AGBL1: variants seen among roughly 807,000 people sequenced by gnomAD.
AGBL1 encodes the protein AGBL carboxypeptidase 1, also known as cytosolic carboxypeptidase 4.
In AGBL1, 130 loss-of-function variants were observed where a neutral mutation model predicts 118.9. That is an observed-to-expected ratio of 1.09 (90% CI 0.95 to 1.26). The LOEUF is 1.26. Among genes scored for constraint, AGBL1 ranks in the 50% most tolerant of loss-of-function variants. The probability of loss-of-function intolerance (pLI) is 0.00; values close to 1 mark genes in which losing one functional copy is unlikely to be tolerated. For missense variants in AGBL1, 1,584 were observed against 1,298.1 expected (o/e 1.22, Z -3.38); for synonymous variants, 555 against 478.9 (o/e 1.16, Z -2.08).
intron 22 of AGBL1, among the ~76,000 whole-genome samples, chr15:86,730,305 A>T (rs1050566088): frequency 1.3e-5 from 2 of 152,200 alleles, no homozygotes; most frequent in African/African-American, 4.8e-5. Flanking sequence ...AAGAGAAACT[A>T]TCAACAGAGT....
At chr15:86,816,079 T>C (rs1271237058) in intron 22 of AGBL1, among the ~76,000 whole-genome samples, 1 of 152,146 alleles carries the variant, frequency 6.6e-6, no homozygotes, top group Non-Finnish European at 1.5e-5. Flanking sequence ...GGCAGGAAGA[T>C]GGATAAGACG....
chr15:86,154,446 G>T lies in AGBL1; in HGVS notation c.279G>T (p.Arg93=), dbSNP rs1264286185. The part of the protein sequence containing the change: ...KVGLRDKKIG[R]KALELEALDV... Reference sequence around the variant, plus strand: ...TGTTCTTAGATAAAAAGATTGGACGGAAGGCCCTAGAATTGGAAGCACTTG... The same window carrying T: ...TGTTCTTAGATAAAAAGATTGGACGTAAGGCCCTAGAATTGGAAGCACTTG... Residue 93 remains arginine (R), a synonymous_variant, in exon 4 of 23, where the codon CGG becomes CGT. Coordinates refer to ENST00000614907, the MANE Select transcript of AGBL1 (RefSeq NM_001386094.1). 1 of 1,612,420 alleles carries T rather than the reference G, an allele frequency of 6.2e-7. No individual in the cohort carries two copies. Among genetic ancestry groups the T allele is most frequent in the Non-Finnish European group, 8.5e-7 (1 of 1,179,254 alleles).
intron 18 of AGBL1, among the ~76,000 whole-genome samples, chr15:86,483,593 T>C (rs1395158792): frequency 6.6e-6 from 1 of 152,070 alleles, no homozygotes; most frequent in Non-Finnish European, 1.5e-5. Flanking sequence ...TTTATTTTTA[T>C]TTTTCATTCA....
intron 22 of AGBL1, among the ~76,000 whole-genome samples, chr15:86,869,736 T>C (rs1009167384): frequency 2.0e-5 from 3 of 152,188 alleles, no homozygotes; most frequent in African/African-American, 7.2e-5. Flanking sequence ...CTATTACACA[T>C]GCTGACAAGG....
intron 22 of AGBL1, among the ~76,000 whole-genome samples, chr15:86,850,155 A>G (rs2079385870): frequency 6.6e-6 from 1 of 152,188 alleles, no homozygotes; most frequent in Non-Finnish European, 1.5e-5. Flanking sequence ...TAAAACACCT[A>G]TTTAGTGGAG....
intron 18 of AGBL1, among the ~76,000 whole-genome samples, chr15:86,480,352 A>C (rs1461729078): frequency 1.3e-5 from 2 of 152,128 alleles, no homozygotes; most frequent in Non-Finnish European, 2.9e-5. Context: ...AATTTAAAAA[A>C]AGTTTTACTA....
chr15:86,537,159 G>A lies in AGBL1; in HGVS notation c.2686-8843G>A, dbSNP rs553308446. On this transcript the variant is annotated intron_variant, in intron 19 of 22. Coordinates refer to ENST00000614907, the MANE Select transcript of AGBL1 (RefSeq NM_001386094.1). ...TTTACAGGGACTGAGTAGGCATGGTGATAGGTCAGTATTCAGTCCCCAGCC... is the reference window on the plus strand; with the variant it reads ...TTTACAGGGACTGAGTAGGCATGGTAATAGGTCAGTATTCAGTCCCCAGCC... 3.3e-5 allele frequency among the ~76,000 whole-genome samples: 5 copies of A among 152,328 alleles called. No individual in the cohort carries two copies. The East Asian group carries it at 9.7e-4, about 29-fold the overall frequency.
At position 86,880,162 on chromosome 15, in the gene AGBL1, C is replaced by T. The variant is rs557212168; in HGVS notation, c.3159-26925C>T. Among the ~76,000 whole-genome samples the T allele has an allele frequency of 8.5e-5, 13 of 152,280 alleles. No homozygotes were observed. The South Asian group carries it at 1.7e-3, about 19-fold the overall frequency. On this transcript the variant is annotated intron_variant, in intron 22 of 22. Coordinates refer to ENST00000614907, the MANE Select transcript of AGBL1 (RefSeq NM_001386094.1). ...CACTATCATCAGACAATGGAATCTC[C>T]GAGCTTGCTGAATCTCAGCTTTAGG...
intron 21 of AGBL1, among the ~76,000 whole-genome samples, chr15:86,562,272 T>G (rs1238270225): frequency 6.6e-6 from 1 of 152,232 alleles, no homozygotes; most frequent in Non-Finnish European, 1.5e-5. Flanking sequence ...TGATATTGGC[T>G]GTGGGTTTGT....
At chr15:86,614,677 G>A (rs2084698532) in intron 21 of AGBL1, among the ~76,000 whole-genome samples, 1 of 152,156 alleles carries the variant, frequency 6.6e-6, no homozygotes, top group African/African-American at 2.4e-5. Flanking sequence ...TTGTGAGCTG[G>A]CCTGAGCAGC....
In AGBL1 at chr15:86,353,313, T is replaced by C. The variant is rs552001166; in HGVS notation, c.2375-44053T>C. 1.5e-4 allele frequency among the ~76,000 whole-genome samples: 23 copies of C among 152,314 alleles called. No homozygotes were observed. The South Asian group carries it at 4.6e-3, about 30-fold the overall frequency. ...AAAATTAAATTGGCCAGGATCAAGA[T>C]AGTCTTGCAGCTTCAATTTGGTTGC... On this transcript the variant is annotated intron_variant, in intron 17 of 22. Coordinates refer to ENST00000614907, the MANE Select transcript of AGBL1 (RefSeq NM_001386094.1).
chr15:86,979,601 G>A (rs1460173095), intron 23 of AGBL1, among the ~76,000 whole-genome samples: 1 of 152,010 alleles, frequency 6.6e-6, no homozygotes, highest in Non-Finnish European at 1.5e-5. Flanking sequence ...CCATTCTCCT[G>A]CCTCAGCCTC....
chr15:86,248,054 A>G (rs1409347093), intron 7 of AGBL1, among the ~76,000 whole-genome samples, 175 bp downstream of exon 7: 2 of 152,050 alleles, frequency 1.3e-5, no homozygotes, highest in Non-Finnish European at 2.9e-5. Context: ...CCGGTGGTTC[A>G]CTCCTGTAAT....
intron 23 of AGBL1, among the ~76,000 whole-genome samples, chr15:86,964,502 G>A (rs1474010751): frequency 6.6e-6 from 1 of 151,868 alleles, no homozygotes; most frequent in African/African-American, 2.4e-5. Context: ...ATTAATAGTA[G>A]GTCCGTAGGA....
intron 21 of AGBL1, among the ~76,000 whole-genome samples, chr15:86,575,669 A>C (rs1459420642): frequency 1.3e-5 from 2 of 151,770 alleles, no homozygotes; most frequent in African/African-American, 4.8e-5. Context: ...GGCTCACTGC[A>C]GTCTTGACTT....
chr15:86,522,905 T>A lies in AGBL1; in HGVS notation c.2651T>A (p.Leu884His). The A allele has an allele frequency of 3.1e-6, 5 of 1,613,990 alleles. No homozygotes were observed. The highest frequency in any genetic ancestry group is 4.2e-6 in the Non-Finnish European group (5 of 1,179,860). ...QPTIYHAKGLLYHLSSIGRSP... is the reference protein window; with the variant it reads ...QPTIYHAKGLHYHLSSIGRSP... ...ACCATTTACCATGCCAAAGGCCTCC[T>A]CTACCACCTGAGCAGCATTGGCCGA... The change falls in exon 19 of 23, where the codon CTC becomes CAC. Residue 884 changes from leucine (L) to histidine (H), a missense_variant. By Grantham distance (99) the Leu-to-His change is moderately conservative (BLOSUM62 -3). Coordinates refer to ENST00000614907, the MANE Select transcript of AGBL1 (RefSeq NM_001386094.1).
intron 21 of AGBL1, among the ~76,000 whole-genome samples, chr15:86,577,771 T>TG (rs1333698306): frequency 1.2e-4 from 19 of 152,210 alleles, no homozygotes; most frequent in South Asian, 8.3e-4. Context: ...CTTCAGAGGG[T>TG]GCAAGCCCCA....
intron 19 of AGBL1, among the ~76,000 whole-genome samples, chr15:86,537,062 G>A (rs1287654461): frequency 6.6e-6 from 1 of 152,192 alleles, no homozygotes; most frequent in Non-Finnish European, 1.5e-5. Context: ...CATCCTTGGG[G>A]GCCAAGGCAA....
At chr15:86,341,144 G>A (rs895744825) in intron 17 of AGBL1, among the ~76,000 whole-genome samples, 7 of 152,160 alleles carry the variant, frequency 4.6e-5, no homozygotes, top group Non-Finnish European at 1.0e-4. Context: ...CCTGTGTGCT[G>A]GGAAGTGGCC....
Sources: gnomAD v4.1 joint callset for allele counts (sites outside exome capture counted in the v4.1 genomes callset) on GRCh38, gnomAD v4.1.1 for gene constraint, MANE v1.5 for transcripts, NCBI Gene and HGNC (gene_info 2026-07-23, HGNC 2026-07-21) for gene names.